IAPP: variants seen among roughly 807,000 people sequenced by gnomAD.
IAPP encodes the protein islet amyloid polypeptide.
In IAPP, 4 loss-of-function variants were observed where a neutral mutation model predicts 2.9. The ratio of observed to expected loss-of-function variants is 1.39; its 90% CI spans 0.69 to 3.19. The LOEUF is 3.19. IAPP is among the 30% of genes most tolerant of loss of function. IAPP has a pLI of 0.01. For missense variants in IAPP, 114 were observed against 105.3 expected (o/e 1.08, Z -0.36); for synonymous variants, 40 against 42.1 (o/e 0.95, Z 0.19).
intron 1 of IAPP, among the ~76,000 whole-genome samples, chr12:21,363,611 G>C (rs910318051): frequency 3.9e-5 from 6 of 152,262 alleles, no homozygotes; most frequent in Admixed American, 2.6e-4. Context: ...GCCAGGAGCT[G>C]GTTTTTGGAA....
At chr12:21,359,401 G>GA (rs796513737) in intron 1 of IAPP, among the ~76,000 whole-genome samples, 183 of 146,768 alleles carry the variant, frequency 1.2e-3, no homozygotes, top group African/African-American at 2.9e-3. Flanking sequence ...AAACATTAGT[G>GA]AAAAAAAAAA....
chr12:21,367,838 T>TA (rs1939504390), intron 1 of IAPP, among the ~76,000 whole-genome samples: 1 of 151,880 alleles, frequency 6.6e-6, no homozygotes, highest in Non-Finnish European at 1.5e-5. Flanking sequence ...AAAATACATA[T>TA]AAAGTATATT....
chr12:21,374,816 A>G (rs1220157824), intron 2 of IAPP, among the ~76,000 whole-genome samples: 1 of 129,876 alleles, frequency 7.7e-6, no homozygotes, highest in Non-Finnish European at 1.6e-5. Flanking sequence ...ATTTTGAGAC[A>G]GGGTCTCTCT....
intron 1 of IAPP, among the ~76,000 whole-genome samples, chr12:21,358,722 TAAAAG>T (rs1350413542): frequency 4.6e-5 from 7 of 150,672 alleles, no homozygotes; most frequent in African/African-American, 9.8e-5. Flanking sequence ...TTGAAAAAAT[TAAAAG>T]AAAAATAAAA....
intron 1 of IAPP, among the ~76,000 whole-genome samples, chr12:21,360,115 C>G (rs1255355313): frequency 2.0e-5 from 3 of 151,820 alleles, no homozygotes; most frequent in African/African-American, 7.3e-5. Context: ...AAACACACAG[C>G]AGCAGTTACC....
At chr12:21,372,355 G>A (rs1338838054), upstream of IAPP, among the ~76,000 whole-genome samples, 1 of 152,094 alleles carries the variant, frequency 6.6e-6, no homozygotes, top group Non-Finnish European at 1.5e-5. Context: ...CTGGTACCTA[G>A]AATAATCCCT....
chr12:21,367,808 T>C (rs990474784), intron 1 of IAPP, among the ~76,000 whole-genome samples: 1 of 151,410 alleles, frequency 6.6e-6, no homozygotes, highest in East Asian at 1.9e-4. Context: ...AATTTTAATA[T>C]GAAAAAGACA....
At chr12:21,356,355 A>G (rs1005666494) in intron 1 of IAPP, among the ~76,000 whole-genome samples, 6 of 152,044 alleles carry the variant, frequency 3.9e-5, no homozygotes, top group Non-Finnish European at 7.4e-5. Flanking sequence ...TTTACCTCCT[A>G]AAAGAAAGAA....
chr12:21,375,977 G>A (rs1013417464), intron 2 of IAPP, among the ~76,000 whole-genome samples: 3 of 152,068 alleles, frequency 2.0e-5, no homozygotes, highest in Non-Finnish European at 4.4e-5. Flanking sequence ...CCATCCTAAA[G>A]ATTGCTTTAG....
intron 1 of IAPP, among the ~76,000 whole-genome samples, chr12:21,360,897 C>T (rs910579122): frequency 3.3e-5 from 5 of 152,166 alleles, no homozygotes; most frequent in African/African-American, 9.7e-5. Flanking sequence ...GGAACTCGAA[C>T]TCGGTGGAGC....
intron 1 of IAPP, among the ~76,000 whole-genome samples, chr12:21,367,501 TAAG>T (rs1241968743): frequency 3.9e-5 from 6 of 151,982 alleles, no homozygotes; most frequent in African/African-American, 1.5e-4. Context: ...AAGTTGGAAA[TAAG>T]AAGGAAATAT....
chr12:21,360,264 GCCAAAA>G (rs1468320308), intron 1 of IAPP, among the ~76,000 whole-genome samples: 2 of 152,148 alleles, frequency 1.3e-5, no homozygotes, highest in Non-Finnish European at 2.9e-5. Flanking sequence ...GTGTGCATTG[GCCAAAA>G]CCAGTCAAAT....
chr12:21,366,299 A>C (rs763942928), intron 1 of IAPP, among the ~76,000 whole-genome samples: 22 of 151,920 alleles, frequency 1.4e-4, no homozygotes, highest in Non-Finnish European at 3.1e-4. Context: ...TATCACAAGG[A>C]CAAAAAACCA....
At chr12:21,371,723 A>C (rs185509165), upstream of IAPP, among the ~76,000 whole-genome samples, 157 of 152,212 alleles carry the variant, frequency 1.0e-3, 1 homozygote, top group African/African-American at 3.6e-3. Context: ...AAAAAAGAGG[A>C]TGGGTGCGGT....
chr12:21,373,963 T>C (rs1939996166), intron 2 of IAPP, among the ~76,000 whole-genome samples: 1 of 152,184 alleles, frequency 6.6e-6, no homozygotes, highest in African/African-American at 2.4e-5. Context: ...AAAGAAGTAG[T>C]TAAAAAGCCA....
At position 21,358,400 on chromosome 12, in the gene IAPP, G is replaced by A. The variant is rs140651378; in HGVS notation, c.-16+3387G>A. The stretch of plus-strand genomic sequence containing the variant: ...ATTTTTCCTCTCCAAAAAATGTTTC[G>A]AGCAATACTACTTTTAAACTATGTG... On this transcript the variant is annotated intron_variant, in intron 1 of 2. Coordinates refer to the IAPP transcript ENST00000539393. 4.9e-4 allele frequency among the ~76,000 whole-genome samples: 74 copies of A among 152,134 alleles called. No homozygotes were observed. The East Asian group carries it at 5.8e-3, about 12-fold the overall frequency.
intron 2 of IAPP, chr12:21,376,212 T>C (rs1423028846): frequency 6.3e-6 from 1 of 159,652 alleles, no homozygotes; most frequent in Non-Finnish European, 1.4e-5. Flanking sequence ...ATTTAGCATA[T>C]AAAGTATTTC....
chr12:21,358,963 T>C (rs946530513), intron 1 of IAPP, among the ~76,000 whole-genome samples: 3 of 152,276 alleles, frequency 2.0e-5, no homozygotes, highest in African/African-American at 7.2e-5. Flanking sequence ...CACATATATT[T>C]GGAAGGTGGC....
At chr12:21,373,515 C>A in intron 2 of IAPP, 84 bp downstream of exon 2, 1 of 904,994 alleles carries the variant, frequency 1.1e-6, no homozygotes, top group Non-Finnish European at 1.9e-6. Flanking sequence ...ATAACTACAG[C>A]CTTAGATTTC....
Sources: gnomAD v4.1 joint callset for allele counts (sites outside exome capture counted in the v4.1 genomes callset) on GRCh38, gnomAD v4.1.1 for gene constraint, MANE v1.5 for transcripts, NCBI Gene and HGNC (gene_info 2026-07-23, HGNC 2026-07-21) for gene names.